DIAPH2: variants seen among roughly 807,000 people sequenced by gnomAD.
DIAPH2 encodes diaphanous related formin 2, also known as protein diaphanous homolog 2.
A neutral mutation model predicts 92.7 loss-of-function variants in DIAPH2; 35 were observed. The observed-to-expected ratio is 0.38, with a 90% CI of 0.29 to 0.50. The LOEUF is 0.50. DIAPH2 is among the 20% of genes least tolerant of loss of function. The pLI is 0.94. For missense variants in DIAPH2, 701 were observed against 819.5 expected, an observed-to-expected ratio of 0.86 and a Z score of 1.77; for synonymous variants, 301 against 280.4, an observed-to-expected ratio of 1.07 and a Z score of -0.73.
intron 4 of DIAPH2, among the ~76,000 whole-genome samples, chrX:96,842,046 A>G (rs962218762): frequency 1.8e-5 from 2 of 111,170 alleles, no homozygotes; most frequent in African/African-American, 6.6e-5. Flanking sequence ...GGAACCGGCC[A>G]TTTTAACTTT....
At chrX:97,434,756 A>T (rs147971884) in intron 26 of DIAPH2, among the ~76,000 whole-genome samples, 1,280 of 111,520 alleles carry the variant, frequency 0.011, 18 homozygotes, top group African/African-American at 0.04. Flanking sequence ...TGGTGATAGT[A>T]GAAGAAGGTA....
At chrX:97,081,297 G>A (rs1331791677) in intron 19 of DIAPH2, among the ~76,000 whole-genome samples, 1 of 109,276 alleles carries the variant, frequency 9.2e-6, no homozygotes, top group Non-Finnish European at 1.9e-5. Context: ...CGTTTCCTTT[G>A]ACCCTTGTTT....
chrX:96,889,255 C>G (rs1341024898), intron 5 of DIAPH2, among the ~76,000 whole-genome samples: 1 of 111,064 alleles, frequency 9.0e-6, no homozygotes, highest in African/African-American at 3.3e-5. Context: ...TACATTTTCT[C>G]TAAATCTATG....
chrX:96,802,201 A>G (rs772247155), intron 4 of DIAPH2, among the ~76,000 whole-genome samples: 8 of 112,209 alleles, frequency 7.1e-5, no homozygotes, highest in African/African-American at 2.6e-4. Context: ...GAGTATAACT[A>G]TAGTTTTAAA....
At chrX:96,919,671 T>C (rs779423749) in intron 9 of DIAPH2, among the ~76,000 whole-genome samples, 18 of 111,038 alleles carry the variant, frequency 1.6e-4, no homozygotes, top group Non-Finnish European at 3.2e-4. Context: ...TATTATGAAG[T>C]ATTTGTATTT....
chrX:97,536,579 C>T (rs1316878692), intron 26 of DIAPH2, among the ~76,000 whole-genome samples: 2 of 111,885 alleles, frequency 1.8e-5, no homozygotes, highest in Non-Finnish European at 1.9e-5. Context: ...TTCAAATATT[C>T]CATGCTAGAA....
At chrX:96,696,491 T>A (rs1365213715) in intron 1 of DIAPH2, among the ~76,000 whole-genome samples, 2 of 112,338 alleles carry the variant, frequency 1.8e-5, no homozygotes, top group Non-Finnish European at 3.8e-5. Flanking sequence ...GGATTCCAGT[T>A]AGACAAAAAG....
chrX:97,076,313 C>T (rs1243244714), intron 19 of DIAPH2, among the ~76,000 whole-genome samples: 4 of 111,709 alleles, frequency 3.6e-5, no homozygotes, highest in African/African-American at 1.3e-4. Context: ...AGGCAGATCA[C>T]GAGGTCAGGA....
intron 26 of DIAPH2, among the ~76,000 whole-genome samples, chrX:97,541,175 G>A (rs2071137683): frequency 9.0e-6 from 1 of 111,556 alleles, no homozygotes; most frequent in Non-Finnish European, 1.9e-5. Flanking sequence ...ATTCTGTTTC[G>A]GAAGCCAAGG....
chrX:96,776,456 C>T (rs1330160497), intron 4 of DIAPH2, among the ~76,000 whole-genome samples: 1 of 110,726 alleles, frequency 9.0e-6, no homozygotes, highest in Admixed American at 9.7e-5. Context: ...AGTGATCCGC[C>T]TGCCTTGGCC....
intron 26 of DIAPH2, chrX:97,529,035 C>G (rs1273237237): frequency 9.2e-6 from 1 of 109,159 alleles, no homozygotes. Flanking sequence ...GATGGCGCCA[C>G]TGCACTCCAG....
At chrX:97,019,339 C>T (rs931565279) in intron 17 of DIAPH2, among the ~76,000 whole-genome samples, 1 of 110,704 alleles carries the variant, frequency 9.0e-6, no homozygotes, top group African/African-American at 3.3e-5. Context: ...TTTTTGATAT[C>T]GGATTAATAG....
At position 97,136,747 on chromosome X, in the gene DIAPH2, A is replaced by G. The variant is rs1382326951; in HGVS notation, c.2590-4918A>G. 2.7e-5 allele frequency among the ~76,000 whole-genome samples: 3 copies of G among 111,038 alleles called. No homozygotes were observed. In the Admixed American group the frequency reaches 2.9e-4, roughly 11 times the overall value. ...CTGGACATGATACAACATTCTTTTA[A>G]TCATCGGGACTTAAAGCTTTTGGAG... On this transcript the variant is annotated intron_variant, in intron 21 of 26. Coordinates refer to ENST00000324765, the MANE Select transcript of DIAPH2 (RefSeq NM_006729.5).
chrX:96,802,145 G>C (rs2064587441), intron 4 of DIAPH2, among the ~76,000 whole-genome samples: 1 of 111,592 alleles, frequency 9.0e-6, no homozygotes, highest in Non-Finnish European at 1.9e-5. Context: ...TACCTATCTG[G>C]CTTCTTTCAC....
At chrX:97,594,992 T>C (rs2071541718) in intron 26 of DIAPH2, among the ~76,000 whole-genome samples, 1 of 111,683 alleles carries the variant, frequency 9.0e-6, no homozygotes, top group African/African-American at 3.3e-5. Context: ...ATATTCAAGA[T>C]ACAGCCTTGT....
chrX:96,812,287 G>A (rs1417371095), intron 4 of DIAPH2, among the ~76,000 whole-genome samples: 1 of 112,067 alleles, frequency 8.9e-6, no homozygotes, highest in East Asian at 2.8e-4. Context: ...ATTTGTTTTA[G>A]ATTTTCTAGT....
intron 22 of DIAPH2, among the ~76,000 whole-genome samples, chrX:97,220,998 CA>C (rs2067920085): frequency 9.0e-6 from 1 of 111,368 alleles, no homozygotes; most frequent in Non-Finnish European, 1.9e-5. Context: ...ATTTGTGTAA[CA>C]GGAGCAAATA....
intron 17 of DIAPH2, among the ~76,000 whole-genome samples, chrX:97,010,253 A>G (rs2066215316): frequency 9.5e-6 from 1 of 104,991 alleles, no homozygotes; most frequent in Non-Finnish European, 1.9e-5. Context: ...TCCCACAATC[A>G]TTGTGCTCTC....
chrX:96,867,614 G>A (rs233204), intron 4 of DIAPH2, among the ~76,000 whole-genome samples: 43,650 of 110,268 alleles, frequency 0.4, 7,248 homozygotes, highest in African/African-American at 0.64. Flanking sequence ...GGTTCATGCA[G>A]CAAAGATGAA....
Sources: gnomAD v4.1 joint callset for allele counts (sites outside exome capture counted in the v4.1 genomes callset) on GRCh38, gnomAD v4.1.1 for gene constraint, MANE v1.5 for transcripts, NCBI Gene and HGNC (gene_info 2026-07-23, HGNC 2026-07-21) for gene names.